The following FGGY variants were observed in gnomAD, a reference collection of about 807,000 sequenced individuals.
FGGY encodes the protein FGGY carbohydrate kinase domain containing.
A neutral mutation model predicts 71.3 loss-of-function variants in FGGY; 72 were observed. The observed-to-expected ratio is 1.01, with a 90% CI of 0.84 to 1.23. The LOEUF (loss-of-function observed/expected upper bound fraction) is 1.23. Ranked by LOEUF, FGGY falls within the 50% of genes most tolerant of loss-of-function variation. FGGY has a pLI of 0.00. For missense variants in FGGY, 668 were observed against 682.3 expected (o/e 0.98, Z 0.23); for synonymous variants, 251 against 250.3 (o/e 1.00, Z -0.02).
intron 7 of FGGY, among the ~76,000 whole-genome samples, chr1:59,538,417 A>C (rs932491969): frequency 6.6e-5 from 10 of 152,056 alleles, no homozygotes; most frequent in Non-Finnish European, 1.2e-4. Context: ...TAGTTGAACC[A>C]TTGTGGAAGT....
At chr1:59,653,287 C>A (rs907155535) in intron 11 of FGGY, among the ~76,000 whole-genome samples, 1 of 152,258 alleles carries the variant, frequency 6.6e-6, no homozygotes, top group Admixed American at 6.5e-5. Context: ...CCACCCAGTT[C>A]GAGCTTTTGG....
intron 8 of FGGY, among the ~76,000 whole-genome samples, chr1:59,571,573 A>G (rs951972147): frequency 6.6e-6 from 1 of 152,348 alleles, no homozygotes; most frequent in East Asian, 1.9e-4. Flanking sequence ...TACTCTACCA[A>G]TTCCATTCCT....
At chr1:59,590,122 C>A (rs2096400640) in intron 8 of FGGY, among the ~76,000 whole-genome samples, 1 of 152,184 alleles carries the variant, frequency 6.6e-6, no homozygotes, top group African/African-American at 2.4e-5. Context: ...ACTGACCCCA[C>A]AGAAATACAA....
chr1:59,753,727 A>G (rs1288611303), intron 14 of FGGY, among the ~76,000 whole-genome samples: 5 of 151,932 alleles, frequency 3.3e-5, no homozygotes, highest in African/African-American at 9.6e-5. Flanking sequence ...AACAAGTTAT[A>G]TGGAGCAAAC....
chr1:59,700,453 C>T (rs985173416), intron 14 of FGGY, among the ~76,000 whole-genome samples: 1 of 152,188 alleles, frequency 6.6e-6, no homozygotes, highest in African/African-American at 2.4e-5. Flanking sequence ...CTTCTGTGTT[C>T]CAACAAGGAA....
At chr1:59,657,038 A>G (rs566090331) in intron 11 of FGGY, among the ~76,000 whole-genome samples, 3 of 152,282 alleles carry the variant, frequency 2.0e-5, no homozygotes, top group East Asian at 3.9e-4. Context: ...GCTTTTTGGA[A>G]ATTCTCGTGG....
At chr1:59,515,594 G>T (rs1230131159) in intron 7 of FGGY, among the ~76,000 whole-genome samples, 1 of 152,176 alleles carries the variant, frequency 6.6e-6, no homozygotes, top group Admixed American at 6.5e-5. Flanking sequence ...CACATGTTGT[G>T]GGAGGGACTT....
intron 2 of FGGY, among the ~76,000 whole-genome samples, chr1:59,327,956 T>C (rs1017377421): frequency 6.6e-6 from 1 of 152,214 alleles, no homozygotes; most frequent in Non-Finnish European, 1.5e-5. Flanking sequence ...ATGCTGTAAA[T>C]AGATGTGCTG....
chr1:59,481,286 A>G (rs2093458913), intron 6 of FGGY, among the ~76,000 whole-genome samples: 1 of 152,206 alleles, frequency 6.6e-6, no homozygotes, highest in African/African-American at 2.4e-5. Flanking sequence ...GTACTTAGAA[A>G]GAAACATTAG....
intron 12 of FGGY, among the ~76,000 whole-genome samples, chr1:59,662,009 G>A (rs555272475): frequency 2.8e-5 from 4 of 142,776 alleles, no homozygotes; most frequent in African/African-American, 7.6e-5. Context: ...ATGAGCCACC[G>A]CACCTGGCCG....
At chr1:59,324,355 C>G (rs567342390) in intron 2 of FGGY, among the ~76,000 whole-genome samples, 1 of 135,328 alleles carries the variant, frequency 7.4e-6, no homozygotes. Context: ...CGGCTCACTG[C>G]AAGCTCCGCC....
chr1:59,656,476 A>T (rs1480402060), intron 11 of FGGY, among the ~76,000 whole-genome samples: 3 of 152,176 alleles, frequency 2.0e-5, no homozygotes, highest in Non-Finnish European at 4.4e-5. Flanking sequence ...AAGTTCCGTC[A>T]TGGGTTGACT....
intron 6 of FGGY, among the ~76,000 whole-genome samples, chr1:59,511,349 T>C (rs1431379029): frequency 6.6e-6 from 1 of 152,114 alleles, no homozygotes; most frequent in Non-Finnish European, 1.5e-5. Flanking sequence ...TTGCTGATTA[T>C]GCACCCAGAT....
At chr1:59,506,446 C>G (rs1023180155) in intron 6 of FGGY, among the ~76,000 whole-genome samples, 1 of 152,094 alleles carries the variant, frequency 6.6e-6, no homozygotes, top group African/African-American at 2.4e-5. Flanking sequence ...CAAGTTCATT[C>G]ATTTTAATGG....
chr1:59,324,780 G>C (rs981148270), intron 2 of FGGY, among the ~76,000 whole-genome samples: 1 of 152,144 alleles, frequency 6.6e-6, no homozygotes, highest in Non-Finnish European at 1.5e-5. Flanking sequence ...ACCTGGAACT[G>C]ATAAGAAGTA....
intron 5 of FGGY, among the ~76,000 whole-genome samples, chr1:59,383,900 C>T (rs1038619873): frequency 3.9e-5 from 6 of 152,028 alleles, no homozygotes; most frequent in African/African-American, 9.7e-5. Context: ...CAAGCTGTGC[C>T]CCGACCACCT....
At chr1:59,495,306 C>A (rs1487606053) in intron 6 of FGGY, among the ~76,000 whole-genome samples, 2 of 151,968 alleles carry the variant, frequency 1.3e-5, no homozygotes, top group East Asian at 1.9e-4. Context: ...TTGATAGTTT[C>A]TTTTGCTGTG....
intron 11 of FGGY, among the ~76,000 whole-genome samples, chr1:59,659,031 G>T (rs796865213): frequency 2.8e-4 from 42 of 152,128 alleles, no homozygotes; most frequent in African/African-American, 9.9e-4. Context: ...AGACCAGCCT[G>T]GCTACTAAAA....
intron 1 of FGGY, among the ~76,000 whole-genome samples, chr1:59,311,488 C>A (rs370577808): frequency 1.3e-5 from 2 of 151,824 alleles, no homozygotes; most frequent in African/African-American, 4.8e-5. Flanking sequence ...TGAGAACATG[C>A]GGTGTTTGGT....
Sources: allele counts gnomAD v4.1 joint callset (sites outside exome capture counted in the v4.1 genomes callset), GRCh38; gene constraint gnomAD v4.1.1; transcripts MANE v1.5; gene names NCBI Gene and HGNC (gene_info 2026-07-23, HGNC 2026-07-21).